The following METTL25 variants were observed in gnomAD, a reference collection of about 807,000 sequenced individuals.
METTL25 encodes methyltransferase like 25, also known as probable methyltransferase-like protein 25.
Under a neutral mutation model 71.6 loss-of-function variants are expected in METTL25, and 64 were observed. The observed-to-expected ratio is 0.89, with a 90% CI of 0.73 to 1.10. The LOEUF (loss-of-function observed/expected upper bound fraction) is 1.10, where lower values mean the gene tolerates loss of function less well. Ranked by LOEUF, METTL25 falls within the 50% of genes least tolerant of loss-of-function variation. The pLI is 0.00. For missense variants in METTL25, 807 were observed against 707.0 expected (o/e 1.14, Z -1.60); for synonymous variants, 287 against 250.3 (o/e 1.15, Z -1.38).
chr12:82,358,838 T>A lies in METTL25; in HGVS notation c.259+14T>A. 1 of 1,595,564 alleles carries A rather than the reference T, an allele frequency of 6.3e-7. No homozygotes were observed. Among genetic ancestry groups the A allele is most frequent in the Non-Finnish European group, 8.5e-7 (1 of 1,169,836 alleles). On this transcript the variant is annotated intron_variant, in intron 1 of 11. Coordinates refer to ENST00000248306, the MANE Select transcript of METTL25 (RefSeq NM_032230.3). ...AGTGGGAAGCAGGTGGGTGGTGGGGTAGGCGGGGCGGGAAGGGAGGCGGAG... is the reference window on the plus strand; with the variant it reads ...AGTGGGAAGCAGGTGGGTGGTGGGGAAGGCGGGGCGGGAAGGGAGGCGGAG...
intron 1 of METTL25, chr12:82,374,426 C>A (rs952223765): frequency 6.6e-6 from 1 of 152,130 alleles, no homozygotes; most frequent in Non-Finnish European, 1.5e-5. Context: ...GGTGCGTTTA[C>A]AATCCCTTAG....
chr12:82,386,454 CCTCTCTCT>C (rs1193846849), intron 1 of METTL25, among the ~76,000 whole-genome samples: 1 of 135,762 alleles, frequency 7.4e-6, no homozygotes, highest in African/African-American at 2.8e-5. Flanking sequence ...TCCCTCCCTC[CCTCTCTCT>C]CTCCCTTCCT....
Position 82,459,641 on chromosome 12 carries a change from C to A in METTL25, c.1572+2821C>A, listed in dbSNP as rs1891729604. Reference sequence around the variant, plus strand: ...GACTCTGTCTCCAAGAAAAGAAAAACAAACAAACAAAAATACTAGTATAGA... The same window carrying A: ...GACTCTGTCTCCAAGAAAAGAAAAAAAAACAAACAAAAATACTAGTATAGA... On this transcript the variant is annotated intron_variant, in intron 9 of 11. Coordinates refer to ENST00000248306, the MANE Select transcript of METTL25 (RefSeq NM_032230.3). 2.6e-5 allele frequency among the ~76,000 whole-genome samples: 4 copies of A among 152,006 alleles called. No homozygotes were observed. The South Asian group carries it at 8.3e-4, about 31-fold the overall frequency.
At chr12:82,415,674 G>A (rs1887920416) in intron 5 of METTL25, among the ~76,000 whole-genome samples, 1 of 152,092 alleles carries the variant, frequency 6.6e-6, no homozygotes, top group South Asian at 2.1e-4. Context: ...GAGGTAGTGA[G>A]GGAAAGAATT....
chr12:82,441,642 T>C lies in METTL25; in HGVS notation c.1478+2851T>C, dbSNP rs527588309. Among the ~76,000 whole-genome samples the C allele has an allele frequency of 2.0e-5, 3 of 151,256 alleles. No individual in the cohort carries two copies. The East Asian group carries it at 5.8e-4, about 29-fold the overall frequency. Reference sequence around the variant, plus strand: ...TCCCCCGGGTTTTCTTTTTGTTTCATAGAGCCCAGGATTGGAGTTGAAAAA... The same window carrying C: ...TCCCCCGGGTTTTCTTTTTGTTTCACAGAGCCCAGGATTGGAGTTGAAAAA... On this transcript the variant is annotated intron_variant, in intron 8 of 11. Transcript: ENST00000248306.
At chr12:82,424,094 T>A (rs1388558775) in intron 5 of METTL25, among the ~76,000 whole-genome samples, 1 of 152,180 alleles carries the variant, frequency 6.6e-6, no homozygotes, top group African/African-American at 2.4e-5. Flanking sequence ...CACATATGTT[T>A]ATTGCAGCAC....
intron 4 of METTL25, among the ~76,000 whole-genome samples, chr12:82,400,741 A>G (rs1168227297): frequency 6.6e-6 from 1 of 152,100 alleles, no homozygotes; most frequent in African/African-American, 2.4e-5. Flanking sequence ...GCAAATCACA[A>G]TTTAATAACA....
At chr12:82,394,439 G>A (rs943830922) in intron 3 of METTL25, among the ~76,000 whole-genome samples, 1 of 151,964 alleles carries the variant, frequency 6.6e-6, no homozygotes, top group Non-Finnish European at 1.5e-5. Context: ...CAGCCATATT[G>A]CTCCCTACAT....
chr12:82,434,483 A>G (rs757285929), intron 6 of METTL25, among the ~76,000 whole-genome samples: 1 of 151,556 alleles, frequency 6.6e-6, no homozygotes, highest in Non-Finnish European at 1.5e-5. Context: ...GTTTGTGTAT[A>G]TGACACACAT....
intron 5 of METTL25, among the ~76,000 whole-genome samples, chr12:82,417,448 A>G (rs758395988): frequency 6.6e-6 from 1 of 152,192 alleles, no homozygotes; most frequent in Admixed American, 6.5e-5. Flanking sequence ...ATGCAAGCAT[A>G]TACGTTAAAA....
At chr12:82,375,875 A>G (rs1302032040) in intron 1 of METTL25, among the ~76,000 whole-genome samples, 1 of 152,236 alleles carries the variant, frequency 6.6e-6, no homozygotes. Context: ...TTAGGTTTGC[A>G]AAAATTACTT....
chr12:82,469,021 C>A (rs761060077), intron 9 of METTL25: 1 of 152,172 alleles, frequency 6.6e-6, no homozygotes, highest in Non-Finnish European at 1.5e-5. Flanking sequence ...CCCACCAACC[C>A]CATTGTACTC....
chr12:82,376,381 C>T (rs553311833), intron 1 of METTL25, among the ~76,000 whole-genome samples: 4 of 152,172 alleles, frequency 2.6e-5, no homozygotes, highest in Non-Finnish European at 5.9e-5. Context: ...ATTCTAGTCC[C>T]CCTGCTTCTG....
chr12:82,433,913 TA>T (rs955503383), intron 6 of METTL25, among the ~76,000 whole-genome samples: 7 of 151,420 alleles, frequency 4.6e-5, no homozygotes, highest in African/African-American at 1.7e-4. Flanking sequence ...AAAATTTAGC[TA>T]AAAATTATAT....
At chr12:82,453,149 A>C (rs552407490) in intron 8 of METTL25, among the ~76,000 whole-genome samples, 2 of 152,280 alleles carry the variant, frequency 1.3e-5, no homozygotes, top group South Asian at 4.1e-4. Flanking sequence ...GGGAAGAACA[A>C]ATCCCTTCCT....
At chr12:82,427,439 T>C (rs762137560) in intron 5 of METTL25, among the ~76,000 whole-genome samples, 5 of 151,882 alleles carry the variant, frequency 3.3e-5, no homozygotes, top group Non-Finnish European at 7.4e-5. Context: ...CCCTTTCCAG[T>C]GTAGTGTATT....
intron 5 of METTL25, among the ~76,000 whole-genome samples, chr12:82,405,250 T>TTAG (rs1166710306): frequency 1.3e-5 from 2 of 152,178 alleles, no homozygotes; most frequent in Non-Finnish European, 2.9e-5. Flanking sequence ...TTCTGCACAG[T>TTAG]TGCACCTTAC....
At chr12:82,425,098 G>A (rs1021380320) in intron 5 of METTL25, among the ~76,000 whole-genome samples, 2 of 152,024 alleles carry the variant, frequency 1.3e-5, no homozygotes, top group Non-Finnish European at 2.9e-5. Flanking sequence ...CCTAGAGAAG[G>A]TATAGTTAGG....
chr12:82,421,715 A>T (rs1179478678), intron 5 of METTL25, among the ~76,000 whole-genome samples: 1 of 152,188 alleles, frequency 6.6e-6, no homozygotes, highest in Non-Finnish European at 1.5e-5. Flanking sequence ...AAAGGAGATT[A>T]TCACCACCGA....
Sources: gnomAD v4.1 joint callset for allele counts (sites outside exome capture counted in the v4.1 genomes callset) on GRCh38, gnomAD v4.1.1 for gene constraint, MANE v1.5 for transcripts, NCBI Gene and HGNC (gene_info 2026-07-23, HGNC 2026-07-21) for gene names.